PRKCQ: variants seen among roughly 807,000 people sequenced by gnomAD.
PRKCQ encodes protein kinase C theta type.
Under a neutral mutation model 91.2 loss-of-function variants are expected in PRKCQ, and 41 were observed. That is an observed-to-expected ratio of 0.45 (90% CI 0.35 to 0.58). PRKCQ has a LOEUF of 0.58. Ranked by LOEUF, PRKCQ falls within the 20% of genes least tolerant of loss-of-function variation. PRKCQ has a pLI of 0.00. For missense variants in PRKCQ, 673 were observed against 896.5 expected, an observed-to-expected ratio of 0.75 and a Z score of 3.18; for synonymous variants, 307 against 316.9, an observed-to-expected ratio of 0.97 and a Z score of 0.33.
In PRKCQ at chr10:6,507,545, T is replaced by C. The variant is rs368527000; in HGVS notation, c.319-49A>G. ...ATCAGTCAGAATGTGAAACAAGCCC[T>C]GAGTTCAATGACATCACTGGCTACT... On this transcript the variant is annotated intron_variant, in intron 3 of 17. Coordinates refer to ENST00000263125, the MANE Select transcript of PRKCQ (RefSeq NM_006257.5). 3.3e-6 allele frequency: 5 copies of C among 1,493,294 alleles called. No individual in the cohort carries two copies. In the African/African-American group the frequency reaches 6.9e-5, roughly 21 times the overall value. 92.5% of individuals were successfully genotyped at this position (1,493,294 alleles called of 1,614,324 possible). A position where few individuals can be genotyped will look rare whatever the true frequency, so the allele number is the denominator to read the frequency against.
At position 6,427,947 on chromosome 10, in the gene PRKCQ, G is replaced by A. The variant is rs1437184787; in HGVS notation, c.*260C>T. On this transcript the variant is annotated 3_prime_UTR_variant, in exon 18 of 18. Coordinates refer to ENST00000263125, the MANE Select transcript of PRKCQ (RefSeq NM_006257.5). ...CCAAGTGCGGAGACCCATCTTTCAA[G>A]TAAATAACTATGGTTAGTAATGACC... 9.0e-6 allele frequency: 4 copies of A among 445,744 alleles called. No homozygotes were observed. Among genetic ancestry groups the A allele is most frequent in the Non-Finnish European group, 1.6e-5 (4 of 247,772 alleles). 27.6% of individuals were successfully genotyped at this position (445,744 alleles called of 1,614,324 possible).
intron 1 of PRKCQ, among the ~76,000 whole-genome samples, chr10:6,525,747 G>T (rs1405294377): frequency 1.3e-5 from 2 of 152,134 alleles, no homozygotes; most frequent in Non-Finnish European, 2.9e-5. Context: ...CCACACAGAG[G>T]GTCATTCCCA....
chr10:6,394,170 G>C, the PRKCQ span, among the ~76,000 whole-genome samples: 221 of 152,340 alleles, frequency 1.5e-3, 1 homozygote, highest in Non-Finnish European at 2.4e-3. Context: ...GTGTCATGTC[G>C]TTCATTCCTT....
the PRKCQ span, among the ~76,000 whole-genome samples, chr10:6,410,729 T>G: frequency 6.6e-6 from 1 of 152,136 alleles, no homozygotes; most frequent in East Asian, 1.9e-4. Context: ...ACACCTGTAT[T>G]CCCAGTAATT....
At chr10:6,396,808 G>C in the PRKCQ span, among the ~76,000 whole-genome samples, 1 of 152,238 alleles carries the variant, frequency 6.6e-6, no homozygotes, top group Non-Finnish European at 1.5e-5. Context: ...ATAACTAGGA[G>C]AGGAACTGCT....
At chr10:6,434,746 C>T (rs1287172375) in intron 16 of PRKCQ, among the ~76,000 whole-genome samples, 1 of 152,214 alleles carries the variant, frequency 6.6e-6, no homozygotes, top group Non-Finnish European at 1.5e-5. Context: ...GGACAGCCAG[C>T]AGTAGTGCTG....
rs145813892 is a variant in PRKCQ, at chr10:6,471,691, A to C, written c.1354-7287T>G. ...CTTGAACCCAGGAGATGGAGGTTGC[A>C]GTGAGCCGAGATCGTTCCACTGTAC... On this transcript the variant is annotated intron_variant, in intron 12 of 17. Transcript: ENST00000263125. Among the ~76,000 whole-genome samples, 636 of 152,302 alleles carry C rather than the reference A, an allele frequency of 4.2e-3. 9 individuals carry two copies. The highest frequency in any genetic ancestry group is 0.014 in the African/African-American group (597 of 41,558).
At chr10:6,559,623 T>G (rs575856420) in intron 1 of PRKCQ, among the ~76,000 whole-genome samples, 1 of 152,280 alleles carries the variant, frequency 6.6e-6, no homozygotes, top group East Asian at 1.9e-4. Context: ...CCTCCCAAAG[T>G]GCTGAGATTA....
intron 1 of PRKCQ, among the ~76,000 whole-genome samples, chr10:6,522,449 G>T (rs1386680373): frequency 6.6e-6 from 1 of 152,050 alleles, no homozygotes; most frequent in Non-Finnish European, 1.5e-5. Flanking sequence ...CACCTATTTA[G>T]CTAGGCTGAT....
At chr10:6,404,371 ATTCT>A in the PRKCQ span, among the ~76,000 whole-genome samples, 5 of 129,212 alleles carry the variant, frequency 3.9e-5, no homozygotes, top group South Asian at 5.8e-4. Context: ...CAATGGATTC[ATTCT>A]TTCTTTCGTT....
chr10:6,522,249 A>T (rs1009993104), intron 1 of PRKCQ, among the ~76,000 whole-genome samples: 6 of 152,114 alleles, frequency 3.9e-5, no homozygotes, highest in African/African-American at 1.4e-4. Flanking sequence ...GCCCCTATGT[A>T]CTTTAAAATT....
chr10:6,498,155 C>A (rs183091791), intron 5 of PRKCQ, among the ~76,000 whole-genome samples: 2 of 152,134 alleles, frequency 1.3e-5, no homozygotes, highest in African/African-American at 4.8e-5. Flanking sequence ...ATAGCCCCCC[C>A]ATTGAGGCAG....
At chr10:6,442,125 TGAG>T (rs1564297807) in intron 15 of PRKCQ, 44 bp from the exon 16 acceptor site, 2 of 1,576,544 alleles carry the variant, frequency 1.3e-6, no homozygotes, top group Non-Finnish European at 1.7e-6. Context: ...GGAATGAGGC[TGAG>T]GAGTGACAAC....
intron 1 of PRKCQ, among the ~76,000 whole-genome samples, chr10:6,567,468 C>T (rs1305108971): frequency 6.6e-6 from 1 of 152,216 alleles, no homozygotes; most frequent in East Asian, 1.9e-4. Context: ...ACGCGTCACC[C>T]GAATTCTGCA....
rs146117146 is a variant in PRKCQ at position 6,507,791 on chromosome 10, C to T, written c.319-295G>A. 7.5e-4 allele frequency among the ~76,000 whole-genome samples: 114 copies of T among 152,300 alleles called. 1 individual carries two copies. Among genetic ancestry groups the T allele is most frequent in the African/African-American group, 2.5e-3 (104 of 41,572 alleles). ...TTGGTTTTCTTGCCCTGTAATGCTG[C>T]GTATCTGAAGGACTGTCACAGGGCA... is the stretch of plus-strand genomic sequence containing the variant. On this transcript the variant is annotated intron_variant, in intron 3 of 17. Transcript: ENST00000263125.
chr10:6,483,497 T>C lies in PRKCQ; in HGVS notation c.1122A>G (p.Lys374=). Residue 374 remains lysine (K), a synonymous_variant, in exon 11 of 18, where the codon AAA becomes AAG. Transcript: ENST00000263125. ...LNKERPSLQI[K]LKIEDFILHK... ...GCAAGATAAAATCCTCAATTTTTAG[T>C]TTAATCTGCAGAGATGGTCTTTCTT... The C allele has an allele frequency of 6.2e-7, 1 of 1,614,236 alleles. No individual in the cohort carries two copies. Among genetic ancestry groups the C allele is most frequent in the South Asian group, 1.1e-5 (1 of 91,086 alleles).
At chr10:6,410,118 A>G in the PRKCQ span, among the ~76,000 whole-genome samples, 1 of 152,202 alleles carries the variant, frequency 6.6e-6, no homozygotes, top group Admixed American at 6.5e-5. Flanking sequence ...GTTGCATTCA[A>G]TAGCCATTAC....
intron 8 of PRKCQ, chr10:6,489,412 T>A (rs760217854): frequency 1.1e-5 from 6 of 531,648 alleles, no homozygotes; most frequent in South Asian, 5.6e-5. Flanking sequence ...AGGCCGTAAC[T>A]CAGTTTCTTG....
the PRKCQ span, among the ~76,000 whole-genome samples, chr10:6,402,916 A>G: frequency 1.3e-5 from 2 of 152,206 alleles, no homozygotes; most frequent in African/African-American, 4.8e-5. Flanking sequence ...TCTCAAAACC[A>G]AATAGAAACA....
Sources: allele counts gnomAD v4.1 joint callset (sites outside exome capture counted in the v4.1 genomes callset), GRCh38; gene constraint gnomAD v4.1.1; transcripts MANE v1.5; gene names NCBI Gene and HGNC (gene_info 2026-07-23, HGNC 2026-07-21).